The following GRM7 variants were observed in gnomAD, a reference collection of about 807,000 sequenced individuals.
GRM7 encodes the protein metabotropic glutamate receptor 7.
In GRM7, 35 loss-of-function variants were observed where a neutral mutation model predicts 84.5. The observed-to-expected ratio is 0.41, with a 90% confidence interval of 0.32 to 0.55. The LOEUF (loss-of-function observed/expected upper bound fraction) is 0.55. Ranked by LOEUF, GRM7 falls within the 20% of genes least tolerant of loss-of-function variation. GRM7 has a pLI of 0.19. For missense variants in GRM7, 1,003 were observed against 1,194.6 expected, an observed-to-expected ratio of 0.84 and a Z score of 2.36; for synonymous variants, 487 against 455.1, an observed-to-expected ratio of 1.07 and a Z score of -0.89.
Position 7,088,920 on chromosome 3 carries a change from C to T in GRM7, c.520-57532C>T, listed in dbSNP as rs545858455. 1.4e-4 allele frequency among the ~76,000 whole-genome samples: 21 copies of T among 152,086 alleles called. No individual in the cohort carries two copies. In the East Asian group the frequency reaches 3.5e-3, roughly 25 times the overall value. The stretch of plus-strand genomic sequence containing the variant: ...AGGACATCCTGTGAGGGTATACATA[C>T]AGCTGTCCTCTTAAAAACAGAGCTC... On this transcript the variant is annotated intron_variant, in intron 1 of 9. Transcript: ENST00000357716.
intron 4 of GRM7, among the ~76,000 whole-genome samples, chr3:7,388,054 A>G (rs1248157499): frequency 6.6e-6 from 1 of 151,996 alleles, no homozygotes; most frequent in Non-Finnish European, 1.5e-5. Flanking sequence ...CGTGGCCATT[A>G]TAAATGGAAT....
chr3:7,455,953 GA>G (rs1697991540), intron 6 of GRM7, among the ~76,000 whole-genome samples: 1 of 152,084 alleles, frequency 6.6e-6, no homozygotes, highest in African/African-American at 2.4e-5. Context: ...TCTGAATGAA[GA>G]GGCACCACAT....
intron 1 of GRM7, among the ~76,000 whole-genome samples, chr3:7,100,533 T>C (rs898692523): frequency 2.0e-5 from 3 of 151,844 alleles, no homozygotes; most frequent in African/African-American, 7.2e-5. Flanking sequence ...AGTTTAATGT[T>C]AATGAGTGTA....
At position 7,730,161 on chromosome 3, in the gene GRM7, C is replaced by T. The variant is rs187776946; in HGVS notation, c.2699-10196C>T. ...GTGCTGGGATTACAGGCGCCCACCA[C>T]CACACCTGGCTAATTTTTGTATTTT... is the stretch of plus-strand genomic sequence containing the variant. On this transcript the variant is annotated intron_variant, in intron 9 of 9. Transcript: ENST00000357716. Among the ~76,000 whole-genome samples, 710 of 150,026 alleles carry T rather than the reference C, an allele frequency of 4.7e-3. 5 individuals carry two copies. The highest frequency in any genetic ancestry group is 0.017 in the Middle Eastern group (5 of 288).
At position 7,188,964 on chromosome 3, in the gene GRM7, C is replaced by CAA. The variant is rs1472888400; in HGVS notation, c.736+42298_736+42299dup. Among the ~76,000 whole-genome samples, 8 of 152,144 alleles carry CAA rather than the reference C, an allele frequency of 5.3e-5. No individual in the cohort carries two copies. Among genetic ancestry groups the CAA allele is most frequent in the Non-Finnish European group, 1.2e-4 (8 of 68,034 alleles). ...GGATGTGTGTGGACTCATCTAGGAA[C>CAA]AAAGAGCCTAGGAGCTGTACTTTCT... On this transcript the variant is annotated intron_variant, in intron 2 of 9. Coordinates refer to ENST00000357716, the MANE Select transcript of GRM7 (RefSeq NM_000844.4). The surrounding 1 kb of genome is among the most constrained non-coding windows in gnomAD (Gnocchi z 4.2).
intron 6 of GRM7, among the ~76,000 whole-genome samples, chr3:7,456,695 C>T (rs1575363952): frequency 6.8e-6 from 1 of 148,080 alleles, no homozygotes; most frequent in Non-Finnish European, 1.5e-5. Flanking sequence ...TTCTCTCTCT[C>T]TTTTTTTTTT....
chr3:7,138,274 C>T (rs1040910244), intron 1 of GRM7, among the ~76,000 whole-genome samples: 2 of 152,014 alleles, frequency 1.3e-5, no homozygotes, highest in African/African-American at 4.8e-5. Context: ...TAATCATAAA[C>T]TGTAGGTGAC....
chr3:7,192,168 T>A (rs750955971), intron 2 of GRM7, among the ~76,000 whole-genome samples: 1 of 152,118 alleles, frequency 6.6e-6, no homozygotes, highest in Non-Finnish European at 1.5e-5. Context: ...CAGACTTCAG[T>A]GTGAGCCAGA....
At chr3:7,675,579 C>T (rs1184487971) in intron 8 of GRM7, among the ~76,000 whole-genome samples, 1 of 152,302 alleles carries the variant, frequency 6.6e-6, no homozygotes, top group South Asian at 2.1e-4. Flanking sequence ...GAGAAAATGG[C>T]ATGGAGCATG....
At chr3:7,444,008 T>C (rs896439846) in intron 5 of GRM7, among the ~76,000 whole-genome samples, 3 of 152,210 alleles carry the variant, frequency 2.0e-5, no homozygotes, top group African/African-American at 7.2e-5. Flanking sequence ...GATTAAGCTA[T>C]GGTTCCAGTG....
In GRM7 at chr3:7,343,478, T is replaced by C. The variant is rs139105602; in HGVS notation, c.1033+36826T>C. ...ATCCTCACACCTTGGCATCCTAAAGTGCTGGGATTACAGGCATAAGCCACT... is the reference window on the plus strand; with the variant it reads ...ATCCTCACACCTTGGCATCCTAAAGCGCTGGGATTACAGGCATAAGCCACT... On this transcript the variant is annotated intron_variant, in intron 4 of 9. Coordinates refer to ENST00000357716, the MANE Select transcript of GRM7 (RefSeq NM_000844.4). Among the ~76,000 whole-genome samples the C allele has an allele frequency of 5.7e-3, 873 of 152,218 alleles. 6 individuals are homozygous for C. Among genetic ancestry groups the C allele is most frequent in the African/African-American group, 0.02 (835 of 41,536 alleles).
chr3:7,437,424 TG>T (rs1396191597), intron 5 of GRM7, among the ~76,000 whole-genome samples: 12 of 152,164 alleles, frequency 7.9e-5, no homozygotes, highest in African/African-American at 2.9e-4. Flanking sequence ...CTAGACTCTG[TG>T]GGGAACAGAT....
intron 1 of GRM7, among the ~76,000 whole-genome samples, chr3:6,945,823 G>A (rs912903184): frequency 6.6e-6 from 1 of 152,148 alleles, no homozygotes; most frequent in African/African-American, 2.4e-5. Context: ...GTGATGGTGA[G>A]CATTTTTTCA....
intron 2 of GRM7, among the ~76,000 whole-genome samples, chr3:7,241,918 G>T (rs1324658820): frequency 1.3e-5 from 2 of 152,098 alleles, no homozygotes; most frequent in African/African-American, 4.8e-5. Flanking sequence ...AGCATAGCTG[G>T]CACAGAGGGA....
chr3:7,072,002 C>T (rs1393417629), intron 1 of GRM7, among the ~76,000 whole-genome samples: 1 of 152,044 alleles, frequency 6.6e-6, no homozygotes, highest in African/African-American at 2.4e-5. Context: ...TTCCTTATTA[C>T]CATGACAATG....
intron 1 of GRM7, among the ~76,000 whole-genome samples, chr3:6,986,750 C>T (rs1483962492): frequency 6.6e-6 from 1 of 152,188 alleles, no homozygotes; most frequent in Non-Finnish European, 1.5e-5. Flanking sequence ...GCAGTGGCTT[C>T]TCATTCTAAG....
intron 1 of GRM7, among the ~76,000 whole-genome samples, chr3:6,926,830 A>G (rs575847685): frequency 1.5e-4 from 23 of 152,254 alleles, no homozygotes; most frequent in African/African-American, 5.1e-4. Context: ...TTGGTTCCAT[A>G]TTTTCCGTTT....
intron 8 of GRM7, among the ~76,000 whole-genome samples, chr3:7,611,549 G>C (rs1696847011): frequency 6.6e-6 from 1 of 152,156 alleles, no homozygotes; most frequent in Non-Finnish European, 1.5e-5. Context: ...AGGGACAGCT[G>C]TCATAGACCT....
At chr3:7,681,229 G>A (rs1244788208) in intron 9 of GRM7, 2 of 152,140 alleles carry the variant, frequency 1.3e-5, no homozygotes, top group Non-Finnish European at 2.9e-5. Context: ...GTTGTTTAAG[G>A]CAGAAGGGAT....
Sources: gnomAD v4.1 joint callset for allele counts (sites outside exome capture counted in the v4.1 genomes callset) on GRCh38, gnomAD v4.1.1 for gene constraint, Gnocchi (gnomAD v3.1) non-coding constraint, MANE v1.5 for transcripts, NCBI Gene and HGNC (gene_info 2026-07-23, HGNC 2026-07-21) for gene names.